The following EFCAB13 variants were observed in gnomAD, a reference collection of about 807,000 sequenced individuals.
The protein encoded by EFCAB13 is EF-hand calcium binding domain 13.
EFCAB13 carries 91 observed loss-of-function variants against 110.2 expected under a neutral mutation model. The ratio of observed to expected loss-of-function variants is 0.83; its 90% confidence interval spans 0.70 to 0.98. The LOEUF (loss-of-function observed/expected upper bound fraction) is 0.98. Ranked by LOEUF, EFCAB13 falls within the 50% of genes least tolerant of loss-of-function variation. The probability of loss-of-function intolerance (pLI) is 0.00; values close to 1 mark genes in which losing one functional copy is unlikely to be tolerated. For missense variants in EFCAB13, 968 were observed against 1,119.4 expected (o/e 0.86, Z 1.93); for synonymous variants, 323 against 369.9 (o/e 0.87, Z 1.45).
At chr17:47,347,016 C>T (rs749459818) in intron 8 of EFCAB13, among the ~76,000 whole-genome samples, 3 of 152,034 alleles carry the variant, frequency 2.0e-5, no homozygotes, top group Non-Finnish European at 2.9e-5. Flanking sequence ...CCCAGCACTG[C>T]GGAAGGCCAA....
chr17:47,397,581 G>A (rs929842421), intron 17 of EFCAB13, among the ~76,000 whole-genome samples: 14 of 150,750 alleles, frequency 9.3e-5, no homozygotes, highest in Admixed American at 4.6e-4. Flanking sequence ...GCCTCTTCCC[G>A]GCCGCCATCC....
At chr17:47,429,578 A>G (rs1905066471) in intron 23 of EFCAB13, among the ~76,000 whole-genome samples, 1 of 152,228 alleles carries the variant, frequency 6.6e-6, no homozygotes, top group African/African-American at 2.4e-5. Flanking sequence ...GGATTATTAT[A>G]AAGACATTTG....
chr17:47,334,168 A>G (rs1009295728), intron 4 of EFCAB13, among the ~76,000 whole-genome samples: 6 of 151,968 alleles, frequency 3.9e-5, no homozygotes, highest in Non-Finnish European at 8.8e-5. Flanking sequence ...CAGGTATGTA[A>G]TGATGGTATT....
At chr17:47,383,460 A>G (rs753116307) in intron 14 of EFCAB13, among the ~76,000 whole-genome samples, 5 of 152,214 alleles carry the variant, frequency 3.3e-5, no homozygotes, top group Non-Finnish European at 7.3e-5. Context: ...GCTGCATCCC[A>G]GAGATTCTGG....
chr17:47,352,169 T>G (rs1166578093), intron 9 of EFCAB13, among the ~76,000 whole-genome samples: 4 of 152,034 alleles, frequency 2.6e-5, no homozygotes, highest in Admixed American at 1.3e-4. Flanking sequence ...CCCAAAGTGC[T>G]GGGATTACAG....
chr17:47,398,119 T>G (rs1426026962), intron 17 of EFCAB13, among the ~76,000 whole-genome samples: 2 of 121,070 alleles, frequency 1.7e-5, no homozygotes, highest in Admixed American at 8.8e-5. Flanking sequence ...GGTGGGGGGG[T>G]CAGCCCCCCC....
intron 21 of EFCAB13, among the ~76,000 whole-genome samples, chr17:47,410,438 A>G (rs1319297354): frequency 6.6e-6 from 1 of 152,206 alleles, no homozygotes; most frequent in Non-Finnish European, 1.5e-5. Context: ...TTTGGGGGAC[A>G]CAATCAAACC....
chr17:47,370,204 A>G (rs1009939340), intron 10 of EFCAB13, among the ~76,000 whole-genome samples: 7 of 152,090 alleles, frequency 4.6e-5, no homozygotes, highest in African/African-American at 7.2e-5. Flanking sequence ...AAACATGACT[A>G]TTTCTTTTGA....
At chr17:47,408,991 A>C (rs1476792402) in intron 20 of EFCAB13, among the ~76,000 whole-genome samples, 2 of 152,234 alleles carry the variant, frequency 1.3e-5, no homozygotes, top group East Asian at 3.8e-4. Context: ...TGCTTAAAAC[A>C]AAAATACAAA....
intron 4 of EFCAB13, among the ~76,000 whole-genome samples, chr17:47,332,314 G>A (rs2065324053): frequency 6.6e-6 from 1 of 152,020 alleles, no homozygotes; most frequent in Non-Finnish European, 1.5e-5. Context: ...ATAATTGTGT[G>A]TATTTTGGGG....
intron 4 of EFCAB13, among the ~76,000 whole-genome samples, chr17:47,334,062 A>G (rs867046335): frequency 6.6e-6 from 1 of 152,152 alleles, no homozygotes; most frequent in Non-Finnish European, 1.5e-5. Flanking sequence ...TTTTGAATCC[A>G]TGAACTTGGG....
At chr17:47,383,266 T>C (rs541595113) in intron 14 of EFCAB13, among the ~76,000 whole-genome samples, 1 of 152,318 alleles carries the variant, frequency 6.6e-6, no homozygotes, top group South Asian at 2.1e-4. Context: ...GTACTCTTCA[T>C]GTCTCTATCT....
In EFCAB13 at chr17:47,338,558, G is replaced by GTTT. The variant is rs60680626; in HGVS notation, c.191+3211_191+3213dup. ...AGCCACTGCAGCTGGTTTACTACTA[G>GTTT]TTTTTTTTTTTAAATAAATAAGTTA... On this transcript the variant is annotated intron_variant, in intron 5 of 24. Transcript: ENST00000331493. Among the ~76,000 whole-genome samples, 28 of 148,230 alleles carry GTTT rather than the reference G, an allele frequency of 1.9e-4. No homozygotes were observed. The South Asian group carries it at 3.6e-3, about 19-fold the overall frequency.
At chr17:47,362,156 T>C (rs1190049042) in intron 10 of EFCAB13, among the ~76,000 whole-genome samples, 1 of 152,172 alleles carries the variant, frequency 6.6e-6, no homozygotes, top group Non-Finnish European at 1.5e-5. Context: ...AGTATAGTTA[T>C]ACTAGATATA....
chr17:47,411,488 T>C (rs1013040499), intron 21 of EFCAB13, among the ~76,000 whole-genome samples: 1 of 152,226 alleles, frequency 6.6e-6, no homozygotes, highest in South Asian at 2.1e-4. Context: ...TGTGTGTATT[T>C]TTCTCATATC....
intron 14 of EFCAB13, among the ~76,000 whole-genome samples, chr17:47,383,226 A>T (rs929379959): frequency 3.3e-5 from 5 of 152,192 alleles, no homozygotes; most frequent in African/African-American, 1.2e-4. Flanking sequence ...ATTTCAAAAA[A>T]CCAGCTTCCA....
chr17:47,412,316 GTACCCTTTTT>G (rs2065840390), intron 21 of EFCAB13, among the ~76,000 whole-genome samples: 2 of 152,170 alleles, frequency 1.3e-5, no homozygotes, highest in Non-Finnish European at 2.9e-5. Context: ...CTAGTGAAAG[GTACCCTTTTT>G]TGTAACTAAT....
At chr17:47,414,792 T>A (rs1255283861) in intron 22 of EFCAB13, 56 bp from the exon 23 acceptor site, 1 of 1,139,420 alleles carries the variant, frequency 8.8e-7, no homozygotes, top group Non-Finnish European at 1.3e-6. Flanking sequence ...CTTTATTTCA[T>A]GTGCCAATTC....
At chr17:47,351,298 T>TGC (rs1738229224) in intron 9 of EFCAB13, among the ~76,000 whole-genome samples, 3 of 130,312 alleles carry the variant, frequency 2.3e-5, no homozygotes, top group South Asian at 2.9e-4. Flanking sequence ...TGTGTGTGTG[T>TGC]GTGTGTGCGC....
Sources: allele counts gnomAD v4.1 joint callset (sites outside exome capture counted in the v4.1 genomes callset), GRCh38; gene constraint gnomAD v4.1.1; transcripts MANE v1.5; gene names NCBI Gene and HGNC (gene_info 2026-07-23, HGNC 2026-07-21).